The following PTPRT variants were observed in gnomAD, a reference collection of about 807,000 sequenced individuals.
PTPRT encodes the protein protein tyrosine phosphatase receptor type T.
In PTPRT, 56 loss-of-function variants were observed where a neutral mutation model predicts 176.8. The ratio of observed to expected loss-of-function variants is 0.32; its 90% CI spans 0.26 to 0.40. The LOEUF (loss-of-function observed/expected upper bound fraction) is 0.40. PTPRT is among the 10% of genes least tolerant of loss of function. The pLI is 1.00. For missense variants in PTPRT, 1,540 were observed against 1,908.2 expected, an observed-to-expected ratio of 0.81 and a Z score of 3.60; for synonymous variants, 783 against 739.0, an observed-to-expected ratio of 1.06 and a Z score of -0.96.
At chr20:42,670,565 A>G (rs1267106870) in intron 7 of PTPRT, among the ~76,000 whole-genome samples, 1 of 152,202 alleles carries the variant, frequency 6.6e-6, no homozygotes, top group Non-Finnish European at 1.5e-5. Flanking sequence ...TAAATATGTA[A>G]ATAAAATAGA....
At chr20:42,629,856 T>A (rs1286274617) in intron 7 of PTPRT, among the ~76,000 whole-genome samples, 1 of 152,186 alleles carries the variant, frequency 6.6e-6, no homozygotes, top group African/African-American at 2.4e-5. Context: ...CAGCCACTGC[T>A]GAACACCTAC....
intron 2 of PTPRT, among the ~76,000 whole-genome samples, chr20:42,853,848 A>G (rs2078517490): frequency 6.6e-6 from 1 of 152,204 alleles, no homozygotes; most frequent in African/African-American, 2.4e-5. Flanking sequence ...GGCTGACTTT[A>G]ATCACTACTA....
intron 1 of PTPRT, among the ~76,000 whole-genome samples, chr20:43,018,125 T>C (rs551297089): frequency 2.0e-4 from 30 of 152,204 alleles, no homozygotes; most frequent in African/African-American, 6.3e-4. Context: ...GCTCACAGCT[T>C]GATTCAAACT....
At chr20:42,455,041 T>C (rs2070896137) in intron 8 of PTPRT, among the ~76,000 whole-genome samples, 1 of 152,206 alleles carries the variant, frequency 6.6e-6, no homozygotes, top group Non-Finnish European at 1.5e-5. Flanking sequence ...CATGTTTTAC[T>C]AGCACTTCTC....
intron 1 of PTPRT, among the ~76,000 whole-genome samples, chr20:43,054,633 T>G (rs1386382816): frequency 6.6e-6 from 1 of 152,048 alleles, no homozygotes; most frequent in African/African-American, 2.4e-5. Context: ...CTTTTAGGCT[T>G]TTTCCTTCAT....
intron 12 of PTPRT, among the ~76,000 whole-genome samples, chr20:42,285,922 A>G (rs2057222662): frequency 6.6e-6 from 1 of 151,952 alleles, no homozygotes; most frequent in African/African-American, 2.4e-5. Flanking sequence ...AAAAATCAGT[A>G]CTGTTTCTAT....
At chr20:42,464,121 A>T (rs2071066100) in intron 8 of PTPRT, among the ~76,000 whole-genome samples, 2 of 152,202 alleles carry the variant, frequency 1.3e-5, no homozygotes, top group African/African-American at 4.8e-5. Flanking sequence ...AGTCTGAGTT[A>T]GCTTTGAATA....
chr20:42,069,068 C>T (rs1416979909), downstream of PTPRT, among the ~76,000 whole-genome samples: 2 of 152,240 alleles, frequency 1.3e-5, no homozygotes, highest in Non-Finnish European at 2.9e-5. Context: ...GGCTAAAAGC[C>T]TCCAGCTCAT....
chr20:42,377,240 G>C (rs1189829254), intron 9 of PTPRT, among the ~76,000 whole-genome samples: 1 of 152,174 alleles, frequency 6.6e-6, no homozygotes, highest in Non-Finnish European at 1.5e-5. Context: ...AAGCAAGGGA[G>C]ATCTGCCTGT....
chr20:43,079,633 G>C (rs529922999), intron 1 of PTPRT, among the ~76,000 whole-genome samples: 6 of 152,080 alleles, frequency 3.9e-5, no homozygotes, highest in Non-Finnish European at 8.8e-5. Context: ...TACAGTGGTT[G>C]CTATTGTGAA....
intron 16 of PTPRT, among the ~76,000 whole-genome samples, chr20:42,177,479 C>G (rs772636259): frequency 3.1e-4 from 47 of 152,208 alleles, no homozygotes; most frequent in South Asian, 1.0e-3. Context: ...ACCTAACACT[C>G]TCATAAGAAT....
At chr20:43,051,342 C>T (rs1987033343) in intron 1 of PTPRT, among the ~76,000 whole-genome samples, 1 of 152,114 alleles carries the variant, frequency 6.6e-6, no homozygotes, top group Non-Finnish European at 1.5e-5. Context: ...TTAAGTAAAA[C>T]TGAATTGAAT....
At chr20:42,111,391 A>C (rs1986986051) in intron 22 of PTPRT, among the ~76,000 whole-genome samples, 1 of 152,210 alleles carries the variant, frequency 6.6e-6, no homozygotes. Context: ...GAAGGTGAGA[A>C]TAAAAGCCAC....
chr20:42,516,275 A>T (rs1265853036), intron 7 of PTPRT, among the ~76,000 whole-genome samples: 2 of 152,144 alleles, frequency 1.3e-5, no homozygotes, highest in African/African-American at 4.8e-5. Flanking sequence ...ATTAAAAAAA[A>T]AAAGAATGAA....
intron 7 of PTPRT, among the ~76,000 whole-genome samples, chr20:42,545,147 C>T (rs2072652113): frequency 6.6e-6 from 1 of 152,216 alleles, no homozygotes; most frequent in Non-Finnish European, 1.5e-5. Context: ...ATCCTCAGAC[C>T]AGGCCCCGTT....
At position 42,472,260 on chromosome 20, in the gene PTPRT, G is replaced by C. The variant is rs760830646; in HGVS notation, c.1450+6C>G. ...ATTCCCATGTAAGCTCTCCTCCCTT[G>C]CTCACCGTCTTCCTCAGTCTGCACC... is the stretch of plus-strand genomic sequence containing the variant. On this transcript the variant is annotated splice_donor_region_variant and intron_variant, in intron 8 of 30. Coordinates refer to ENST00000373187, the MANE Select transcript of PTPRT (RefSeq NM_007050.6). The C allele has an allele frequency of 2.5e-6, 4 of 1,612,472 alleles. No homozygotes were observed. In the South Asian group the frequency reaches 4.4e-5, roughly 18 times the overall value.
chr20:42,498,053 TTGTA>T (rs2071685821), intron 7 of PTPRT, among the ~76,000 whole-genome samples: 1 of 152,140 alleles, frequency 6.6e-6, no homozygotes, highest in Non-Finnish European at 1.5e-5. Flanking sequence ...TAGTGGTACT[TTGTA>T]TGGGTATCAC....
intron 6 of PTPRT, among the ~76,000 whole-genome samples, chr20:42,728,727 C>A (rs1215788726): frequency 6.6e-6 from 1 of 152,182 alleles, no homozygotes; most frequent in African/African-American, 2.4e-5. Context: ...CGGGCCCATG[C>A]GCTAACAATG....
At chr20:42,896,169 G>A (rs1329384636) in intron 1 of PTPRT, among the ~76,000 whole-genome samples, 1 of 152,112 alleles carries the variant, frequency 6.6e-6, no homozygotes, top group Non-Finnish European at 1.5e-5. Context: ...AACTGAGGCA[G>A]GAGTGGATGA....
Sources: allele counts gnomAD v4.1 joint callset (sites outside exome capture counted in the v4.1 genomes callset), GRCh38; gene constraint gnomAD v4.1.1; transcripts MANE v1.5; gene names NCBI Gene and HGNC (gene_info 2026-07-23, HGNC 2026-07-21).